The following MED12L variants were observed in gnomAD, a reference collection of about 807,000 sequenced individuals.
MED12L encodes mediator complex subunit 12L.
MED12L carries 60 observed loss-of-function variants against 281.3 expected under a neutral mutation model. That is an observed-to-expected ratio of 0.21 (90% confidence interval 0.17 to 0.26). The LOEUF is 0.26. MED12L is among the 10% of genes least tolerant of loss of function. MED12L has a pLI of 1.00. For missense variants in MED12L, 2,146 were observed against 2,680.9 expected, an observed-to-expected ratio of 0.80 and a Z score of 4.41; for synonymous variants, 974 against 987.2, an observed-to-expected ratio of 0.99 and a Z score of 0.25.
chr3:151,243,682 T>A (rs1386547784), intron 16 of MED12L, among the ~76,000 whole-genome samples: 1 of 151,888 alleles, frequency 6.6e-6, no homozygotes, highest in Non-Finnish European at 1.5e-5. Flanking sequence ...GTAAAGACCA[T>A]CAAGACTAGG....
At chr3:151,411,692 C>T (rs1053695840) in intron 41 of MED12L, among the ~76,000 whole-genome samples, 185 bp downstream of exon 41, 3 of 152,188 alleles carry the variant, frequency 2.0e-5, no homozygotes, top group African/African-American at 7.2e-5. Context: ...AATGCTCCAT[C>T]TTGTTTATTT....
At chr3:151,170,875 G>T (rs1721340039) in intron 11 of MED12L, among the ~76,000 whole-genome samples, 1 of 152,148 alleles carries the variant, frequency 6.6e-6, no homozygotes, top group Admixed American at 6.5e-5. Context: ...GGGGGTTGAG[G>T]TGTCTGGGAA....
In MED12L at chr3:151,434,949, T is replaced by G. The variant is rs1399498995; in HGVS notation, c.*2145T>G. On this transcript the variant is annotated 3_prime_UTR_variant, in exon 45 of 45. Coordinates refer to ENST00000687756, the MANE Select transcript of MED12L (RefSeq NM_001393769.1). ...GCTACGACTCTAATTAATTCCACGA[T>G]TCTATTGAAAGTTGAGGAATGCTGT... 6.6e-6 allele frequency: 1 copy of G among 152,172 alleles called. No individual in the cohort carries two copies. Among genetic ancestry groups the G allele is most frequent in the Non-Finnish European group, 1.5e-5 (1 of 68,036 alleles). 9.4% of individuals were successfully genotyped at this position (152,172 alleles called of 1,614,324 possible).
At chr3:151,144,457 C>G (rs1717492033) in intron 5 of MED12L, among the ~76,000 whole-genome samples, 1 of 152,160 alleles carries the variant, frequency 6.6e-6, no homozygotes, top group Non-Finnish European at 1.5e-5. Context: ...CCTTGCAGTA[C>G]AAGACTTTTG....
chr3:151,370,894 A>C (rs1193452542), intron 26 of MED12L, among the ~76,000 whole-genome samples: 1 of 152,234 alleles, frequency 6.6e-6, no homozygotes. Context: ...TCTAATCTCA[A>C]GTAGAATTTG....
intron 16 of MED12L, among the ~76,000 whole-genome samples, chr3:151,304,082 G>A (rs1746306942): frequency 1.3e-5 from 2 of 152,160 alleles, no homozygotes; most frequent in African/African-American, 4.8e-5. Flanking sequence ...GGGGGGCCCA[G>A]GGTGTTTTGG....
intron 16 of MED12L, among the ~76,000 whole-genome samples, chr3:151,287,015 G>A (rs1365096719): frequency 6.6e-6 from 1 of 152,126 alleles, no homozygotes; most frequent in Admixed American, 6.5e-5. Context: ...CTAATTAGGG[G>A]CAATGCTAGT....
rs1248388408 is a variant in MED12L at position 151,360,572 on chromosome 3, G to A, written c.2924G>A (p.Ser975Asn). Residue 975 changes from serine (S) to asparagine (N), a missense_variant, in exon 21 of 45, where the codon AGC becomes AAC. Transcript: ENST00000687756. Reference sequence around the variant, plus strand: ...CTCTATGATCTCTATGTGTCATGTAGCCACCTCAGAAGTAAATTTGGAGAC... The same window carrying A: ...CTCTATGATCTCTATGTGTCATGTAACCACCTCAGAAGTAAATTTGGAGAC... Reference protein sequence around the residue: ...AYLYDLYVSCSHLRSKFGDLF... With the variant: ...AYLYDLYVSCNHLRSKFGDLF... 1 of 1,612,704 alleles carries A rather than the reference G, an allele frequency of 6.2e-7. No individual in the cohort carries two copies. The highest frequency in any genetic ancestry group is 1.7e-5 in the Admixed American group (1 of 59,920).
chr3:151,149,534 A>T (rs1718179177), intron 5 of MED12L, among the ~76,000 whole-genome samples: 1 of 152,138 alleles, frequency 6.6e-6, no homozygotes, highest in Admixed American at 6.5e-5. Flanking sequence ...GTCTTGCCTC[A>T]GGGTTGATGG....
At chr3:151,399,039 G>A (rs1715323528) in intron 39 of MED12L, among the ~76,000 whole-genome samples, 1 of 143,490 alleles carries the variant, frequency 7.0e-6, no homozygotes, top group Non-Finnish European at 1.6e-5. Context: ...CAGAGAAGTG[G>A]CGACTACTGA....
chr3:151,351,157 T>C (rs1199080041), intron 17 of MED12L, among the ~76,000 whole-genome samples: 1 of 152,202 alleles, frequency 6.6e-6, no homozygotes, highest in Non-Finnish European at 1.5e-5. Flanking sequence ...TCCTAGACTT[T>C]AGCAGGATAA....
intron 12 of MED12L, chr3:151,188,123 G>A (rs964910152): frequency 4.4e-5 from 13 of 296,482 alleles, no homozygotes; most frequent in Admixed American, 2.7e-4. Context: ...CACCCTGAAC[G>A]CGCCCGATCT....
At chr3:151,421,949 G>A (rs1253592644) in intron 43 of MED12L, among the ~76,000 whole-genome samples, 3 of 152,138 alleles carry the variant, frequency 2.0e-5, no homozygotes, top group Non-Finnish European at 4.4e-5. Context: ...TCTGATTCAT[G>A]CTGTATCAAA....
chr3:151,182,314 C>G (rs938871862), intron 11 of MED12L, among the ~76,000 whole-genome samples: 7 of 150,774 alleles, frequency 4.6e-5, no homozygotes, highest in Admixed American at 1.3e-4. Flanking sequence ...TTTTGTCATT[C>G]ATAGGATTTC....
Position 151,125,863 on chromosome 3 carries a change from C to T in MED12L, c.397-1962C>T, listed in dbSNP as rs557152928. On this transcript the variant is annotated intron_variant, in intron 4 of 44. Coordinates refer to ENST00000687756, the MANE Select transcript of MED12L (RefSeq NM_001393769.1). The stretch of plus-strand genomic sequence containing the variant: ...AGAGATAAAATTTAGTATCTGTCTG[C>T]AGAGAGGAAGCCTTCTAGCGTTGGC... Among the ~76,000 whole-genome samples the T allele has an allele frequency of 2.6e-5, 4 of 152,202 alleles. No individual in the cohort carries two copies. The South Asian group carries it at 8.3e-4, about 32-fold the overall frequency.
At chr3:151,411,168 T>C in intron 40 of MED12L, 110 bp from the exon 41 acceptor site, 1 of 839,900 alleles carries the variant, frequency 1.2e-6, no homozygotes, top group Non-Finnish European at 1.9e-6. Flanking sequence ...TTGAAAACAG[T>C]GAATTTCAGG....
intron 6 of MED12L, among the ~76,000 whole-genome samples, chr3:151,156,999 CCTCTT>C (rs1442744262): frequency 6.6e-6 from 1 of 152,088 alleles, no homozygotes; most frequent in Non-Finnish European, 1.5e-5. Flanking sequence ...TTTTCATGCT[CCTCTT>C]CTAAGAGGTC....
chr3:151,423,266 T>A (rs1228612856), intron 43 of MED12L, among the ~76,000 whole-genome samples: 1 of 152,108 alleles, frequency 6.6e-6, no homozygotes, highest in Non-Finnish European at 1.5e-5. Flanking sequence ...TTCATCTCTT[T>A]GCTCGTTGAC....
intron 20 of MED12L, 128 bp downstream of exon 20, chr3:151,357,504 A>G: frequency 1.3e-6 from 1 of 781,460 alleles, no homozygotes; most frequent in Non-Finnish European, 1.9e-6. Context: ...GTTAAAGAAC[A>G]CTCTTGCCAG....
Sources: allele counts gnomAD v4.1 joint callset (sites outside exome capture counted in the v4.1 genomes callset), GRCh38; gene constraint gnomAD v4.1.1; transcripts MANE v1.5; gene names NCBI Gene and HGNC (gene_info 2026-07-23, HGNC 2026-07-21).